Variants in SNTG2 observed in about 807,000 individuals in gnomAD.
SNTG2 encodes the protein gamma-2-syntrophin.
Under a neutral mutation model 70.9 loss-of-function variants are expected in SNTG2, and 74 were observed. The ratio of observed to expected loss-of-function variants is 1.04; its 90% confidence interval spans 0.86 to 1.27. The LOEUF is 1.27. SNTG2 is among the 50% of genes most tolerant of loss of function. The pLI, the probability that SNTG2 is intolerant of heterozygous loss-of-function variation, is 0.00. For synonymous variants in SNTG2, 278 were observed against 273.8 expected (o/e 1.02, Z -0.15); for missense variants, 717 against 690.7 (o/e 1.04, Z -0.43).
intron 14 of SNTG2, among the ~76,000 whole-genome samples, chr2:1,276,504 G>A (rs1222606437): frequency 1.3e-5 from 2 of 152,218 alleles, no homozygotes; most frequent in Non-Finnish European, 2.9e-5. Context: ...GCATGGTTTA[G>A]TAAATATTTT....
intron 1 of SNTG2, among the ~76,000 whole-genome samples, chr2:978,489 A>G (rs925178892): frequency 1.3e-5 from 2 of 152,104 alleles, no homozygotes; most frequent in African/African-American, 4.8e-5. Flanking sequence ...ATTTTGGGGG[A>G]TGCCATAAAC....
At chr2:969,379 A>G (rs1018292799) in intron 1 of SNTG2, among the ~76,000 whole-genome samples, 4 of 120,794 alleles carry the variant, frequency 3.3e-5, no homozygotes, top group Non-Finnish European at 7.1e-5. Context: ...ATTTTATAAT[A>G]GTTTTTTTTC....
At chr2:1,310,029 A>G (rs911632656) in intron 15 of SNTG2, among the ~76,000 whole-genome samples, 1 of 152,234 alleles carries the variant, frequency 6.6e-6, no homozygotes, top group Admixed American at 6.5e-5. Context: ...ATTCAAGTGT[A>G]AGGACAAACT....
chr2:1,023,183 G>A (rs1265098227), intron 1 of SNTG2, among the ~76,000 whole-genome samples: 2 of 151,970 alleles, frequency 1.3e-5, no homozygotes, highest in Non-Finnish European at 2.9e-5. Context: ...GTGTCTTGAG[G>A]AGAGAATTAG....
intron 1 of SNTG2, among the ~76,000 whole-genome samples, chr2:1,016,191 T>A (rs1659885764): frequency 6.6e-6 from 1 of 152,194 alleles, no homozygotes; most frequent in African/African-American, 2.4e-5. Context: ...AGTGTATAAC[T>A]GTTGTCAACA....
At chr2:1,040,845 A>G (rs1661396067) in intron 1 of SNTG2, among the ~76,000 whole-genome samples, 2 of 152,202 alleles carry the variant, frequency 1.3e-5, no homozygotes, top group African/African-American at 4.8e-5. Flanking sequence ...ATTATGCTTC[A>G]AAAATATGCC....
At chr2:1,252,788 G>GA (rs1408260146) in intron 12 of SNTG2, among the ~76,000 whole-genome samples, 1 of 151,882 alleles carries the variant, frequency 6.6e-6, no homozygotes, top group African/African-American at 2.4e-5. Flanking sequence ...CTATTTCAAA[G>GA]AAAAAAAGCT....
intron 14 of SNTG2, among the ~76,000 whole-genome samples, chr2:1,297,705 G>A (rs779140724): frequency 2.6e-5 from 4 of 152,228 alleles, no homozygotes; most frequent in Non-Finnish European, 5.9e-5. Context: ...CAAGTGACAG[G>A]AAAGTGGCCC....
At chr2:1,071,506 T>G (rs1363299569) in intron 1 of SNTG2, among the ~76,000 whole-genome samples, 9 of 57,822 alleles carry the variant, frequency 1.6e-4, no homozygotes, top group Non-Finnish European at 1.9e-4. Context: ...TGTGGTGGGG[T>G]GGGGGGAGGG....
At chr2:1,336,356 A>T (rs191424803) in intron 16 of SNTG2, among the ~76,000 whole-genome samples, 22 of 152,202 alleles carry the variant, frequency 1.4e-4, no homozygotes, top group Admixed American at 1.4e-3. Context: ...TATATTTTGG[A>T]TATTAACCCC....
At chr2:1,018,515 C>G (rs953086616) in intron 1 of SNTG2, among the ~76,000 whole-genome samples, 2 of 151,912 alleles carry the variant, frequency 1.3e-5, no homozygotes, top group African/African-American at 4.8e-5. Flanking sequence ...GGAGGCTGTG[C>G]AGTCAGGGAG....
intron 1 of SNTG2, among the ~76,000 whole-genome samples, chr2:963,009 C>T (rs1660404544): frequency 6.6e-6 from 1 of 152,100 alleles, no homozygotes. Context: ...AACATGATTT[C>T]TCATACCACT....
At chr2:1,154,348 C>T (rs955327816) in intron 6 of SNTG2, among the ~76,000 whole-genome samples, 7 of 152,114 alleles carry the variant, frequency 4.6e-5, no homozygotes, top group Non-Finnish European at 7.3e-5. Context: ...AGTTTTAAGG[C>T]GAGCGGGATG....
intron 14 of SNTG2, among the ~76,000 whole-genome samples, chr2:1,285,753 C>T (rs1679738179): frequency 6.6e-6 from 1 of 151,954 alleles, no homozygotes; most frequent in Non-Finnish European, 1.5e-5. Context: ...ATTCTGTACT[C>T]CTTTTGCCTT....
chr2:1,294,895 A>G (rs771937646), intron 14 of SNTG2, among the ~76,000 whole-genome samples: 3 of 152,222 alleles, frequency 2.0e-5, no homozygotes, highest in African/African-American at 7.2e-5. Flanking sequence ...ACTCGCTAAC[A>G]TAACACTCTA....
chr2:1,014,779 G>T (rs1280307986), intron 1 of SNTG2, among the ~76,000 whole-genome samples: 1 of 152,164 alleles, frequency 6.6e-6, no homozygotes, highest in Non-Finnish European at 1.5e-5. Flanking sequence ...TATAAGAGCA[G>T]AGAGAAGGGT....
At chr2:1,156,875 G>A (rs1007806000) in intron 6 of SNTG2, among the ~76,000 whole-genome samples, 2 of 152,132 alleles carry the variant, frequency 1.3e-5, no homozygotes, top group African/African-American at 4.8e-5. Flanking sequence ...GCAACTCTTG[G>A]TGAAACAGAG....
chr2:1,274,459 A>C (rs192240796), intron 14 of SNTG2, among the ~76,000 whole-genome samples: 2 of 152,356 alleles, frequency 1.3e-5, no homozygotes, highest in Non-Finnish European at 2.9e-5. Flanking sequence ...AAGCAACAAG[A>C]GTACATTCTG....
chr2:1,165,988 A>G (rs1178314770), intron 7 of SNTG2, among the ~76,000 whole-genome samples: 1 of 152,132 alleles, frequency 6.6e-6, no homozygotes, highest in Non-Finnish European at 1.5e-5. Flanking sequence ...GATCTGAGAA[A>G]TTTTCAGTGC....
Sources: gnomAD v4.1 joint callset for allele counts (sites outside exome capture counted in the v4.1 genomes callset) on GRCh38, gnomAD v4.1.1 for gene constraint, MANE v1.5 for transcripts, NCBI Gene and HGNC (gene_info 2026-07-23, HGNC 2026-07-21) for gene names.